PFDN1: variants seen among roughly 807,000 people sequenced by gnomAD.
PFDN1 encodes prefoldin subunit 1.
In PFDN1, 6 loss-of-function variants were observed where a neutral mutation model predicts 17.3. That is an observed-to-expected ratio of 0.35 (90% CI 0.19 to 0.69). The LOEUF (loss-of-function observed/expected upper bound fraction) is 0.69. Ranked by LOEUF, PFDN1 falls within the 30% of genes least tolerant of loss-of-function variation. The probability of loss-of-function intolerance (pLI) is 0.65; values close to 1 mark genes in which losing one functional copy is unlikely to be tolerated. For synonymous variants in PFDN1, 58 were observed against 50.1 expected, an observed-to-expected ratio of 1.16 and a Z score of -0.67; for missense variants, 113 against 146.2, an observed-to-expected ratio of 0.77 and a Z score of 1.17.
intron 1 of PFDN1, among the ~76,000 whole-genome samples, chr5:140,302,488 G>A (rs776896511): frequency 5.3e-5 from 8 of 152,094 alleles, no homozygotes; most frequent in Non-Finnish European, 1.2e-4. Context: ...GTTTTGTTTT[G>A]TTTGACGAGT....
At chr5:140,266,977 G>A (rs531752407) in intron 3 of PFDN1, among the ~76,000 whole-genome samples, 1 of 152,354 alleles carries the variant, frequency 6.6e-6, no homozygotes, top group Admixed American at 6.5e-5. Context: ...TGCGGTGTGG[G>A]TTAAAGTTAA....
intron 3 of PFDN1, among the ~76,000 whole-genome samples, chr5:140,259,499 ACT>A (rs1765034228): frequency 6.6e-6 from 1 of 152,222 alleles, no homozygotes; most frequent in Non-Finnish European, 1.5e-5. Context: ...GACTAGAGGA[ACT>A]GTTAAAACCC....
intron 3 of PFDN1, among the ~76,000 whole-genome samples, chr5:140,280,361 T>C (rs748262170): frequency 2.0e-5 from 3 of 152,210 alleles, no homozygotes; most frequent in Non-Finnish European, 4.4e-5. Context: ...CTTAGAACAG[T>C]TGAGCTGATT....
chr5:140,259,719 T>G (rs1765036635), intron 3 of PFDN1, among the ~76,000 whole-genome samples: 2 of 152,168 alleles, frequency 1.3e-5, no homozygotes, highest in South Asian at 4.1e-4. Flanking sequence ...CTTGCATTCT[T>G]GGAAGTGGAG....
intron 2 of PFDN1, among the ~76,000 whole-genome samples, chr5:140,299,186 A>C (rs1289271825): frequency 6.6e-6 from 1 of 152,256 alleles, no homozygotes; most frequent in Non-Finnish European, 1.5e-5. Context: ...GCACCTACTT[A>C]AATAAATCTT....
At chr5:140,270,498 T>G (rs975970635) in intron 3 of PFDN1, among the ~76,000 whole-genome samples, 3 of 152,172 alleles carry the variant, frequency 2.0e-5, no homozygotes, top group African/African-American at 7.2e-5. Context: ...CCAATTATCT[T>G]AAGTCTCTTA....
At chr5:140,263,344 C>T (rs17118781) in intron 3 of PFDN1, among the ~76,000 whole-genome samples, 28,898 of 152,132 alleles carry the variant, frequency 0.19, 2,976 homozygotes, top group South Asian at 0.24. Flanking sequence ...ATGCCTAAAT[C>T]TGGATCAATA....
intron 3 of PFDN1, among the ~76,000 whole-genome samples, chr5:140,246,306 A>T (rs1171986873): frequency 6.6e-6 from 1 of 152,204 alleles, no homozygotes; most frequent in Non-Finnish European, 1.5e-5. Context: ...GACAGGCAGT[A>T]GCACTCTTCC....
At chr5:140,280,805 C>A (rs1159383964) in intron 3 of PFDN1, among the ~76,000 whole-genome samples, 1 of 151,748 alleles carries the variant, frequency 6.6e-6, no homozygotes. Flanking sequence ...CACCAAAGCC[C>A]AAGAAGAATA....
chr5:140,293,214 T>C (rs1765604255), intron 2 of PFDN1: 1 of 151,944 alleles, frequency 6.6e-6, no homozygotes, highest in African/African-American at 2.4e-5. Flanking sequence ...CACCTTTCGC[T>C]CAGTTGCTTA....
At chr5:140,272,080 C>T (rs926393028) in intron 3 of PFDN1, among the ~76,000 whole-genome samples, 3 of 151,824 alleles carry the variant, frequency 2.0e-5, no homozygotes, top group African/African-American at 4.8e-5. Context: ...AGTGCAATAG[C>T]GTAATCTTGG....
At chr5:140,264,020 C>CAAAAAAAAAAAAAAAAAAAAA (rs58605224) in intron 3 of PFDN1, among the ~76,000 whole-genome samples, 5 of 55,580 alleles carry the variant, frequency 9.0e-5, no homozygotes, top group Non-Finnish European at 1.0e-4. Flanking sequence ...GACTCCATCT[C>CAAAAAAAAAAAAAAAAAAAAA]AAAAAAAAAA....
At chr5:140,260,441 A>G (rs1765047400) in intron 3 of PFDN1, among the ~76,000 whole-genome samples, 1 of 152,012 alleles carries the variant, frequency 6.6e-6, no homozygotes, top group East Asian at 1.9e-4. Flanking sequence ...AAACAACCTA[A>G]ATGTCCATCA....
At position 140,245,580 on chromosome 5, in the gene PFDN1, C is replaced by T; in HGVS notation, c.*394G>A. On this transcript the variant is annotated 3_prime_UTR_variant, in exon 4 of 4. Transcript: ENST00000261813. ...GCAGGAGCTGAGGTGGAGACGGCCA[C>T]TGCCTCTCTCACCCTCTGTTCCATC... is the stretch of plus-strand genomic sequence containing the variant. 1 of 702,436 alleles carries T rather than the reference C, an allele frequency of 1.4e-6. No homozygotes were observed. The highest frequency in any genetic ancestry group is 2.6e-6 in the Non-Finnish European group (1 of 384,990). The allele number at this position is 702,436 out of a possible 1,614,324, so 43.5% of individuals were successfully genotyped here.
intron 3 of PFDN1, among the ~76,000 whole-genome samples, chr5:140,271,625 G>A (rs1335212518): frequency 1.3e-5 from 2 of 152,028 alleles, no homozygotes; most frequent in African/African-American, 2.4e-5. Flanking sequence ...TGGAGTGTGG[G>A]TGGAGGGTGG....
chr5:140,249,526 T>G (rs1003292361), intron 3 of PFDN1, among the ~76,000 whole-genome samples: 9 of 152,184 alleles, frequency 5.9e-5, no homozygotes, highest in African/African-American at 2.2e-4. Context: ...CAGAAGAACC[T>G]TGGGAGGCCT....
At chr5:140,289,688 T>A (rs1765550353) in intron 2 of PFDN1, among the ~76,000 whole-genome samples, 1 of 152,176 alleles carries the variant, frequency 6.6e-6, no homozygotes, top group African/African-American at 2.4e-5. Context: ...ATGTTCAGCA[T>A]CTATGATCAC....
At chr5:140,252,552 G>A (rs942999770) in intron 3 of PFDN1, among the ~76,000 whole-genome samples, 4 of 152,106 alleles carry the variant, frequency 2.6e-5, no homozygotes, top group Admixed American at 1.3e-4. Context: ...CCATCTTTTC[G>A]CTGTCTCTAC....
In PFDN1 at chr5:140,245,884, G is replaced by A; in HGVS notation, c.*90C>T. 1.3e-6 allele frequency: 1 copy of A among 747,350 alleles called. No homozygotes were observed. Among genetic ancestry groups the A allele is most frequent in the South Asian group, 1.5e-5 (1 of 67,986 alleles). The allele number at this position is 747,350 out of a possible 1,614,324, so 46.3% of individuals were successfully genotyped here. ...GGCCATCCAAATAAAGCATCCATCG[G>A]GGCAGAGGAGAAGCTGTTTCCCTGC... On this transcript the variant is annotated 3_prime_UTR_variant, in exon 4 of 4. Transcript: ENST00000261813.
Sources: gnomAD v4.1 joint callset for allele counts (sites outside exome capture counted in the v4.1 genomes callset) on GRCh38, gnomAD v4.1.1 for gene constraint, MANE v1.5 for transcripts, NCBI Gene and HGNC (gene_info 2026-07-23, HGNC 2026-07-21) for gene names.